The following ZNF599 variants were observed in gnomAD, a reference collection of about 807,000 sequenced individuals.
ZNF599 encodes the protein zinc finger protein 599.
A neutral mutation model predicts 11.7 loss-of-function variants in ZNF599; 10 were observed. That is an observed-to-expected ratio of 0.86 (90% CI 0.53 to 1.45). ZNF599 has a LOEUF of 1.45. Among genes scored for constraint, ZNF599 ranks in the 40% most tolerant of loss-of-function variants. ZNF599 has a pLI of 0.00. For missense variants in ZNF599, 688 were observed against 713.6 expected, an observed-to-expected ratio of 0.96 and a Z score of 0.41; for synonymous variants, 232 against 253.2, an observed-to-expected ratio of 0.92 and a Z score of 0.79.
intron 3 of ZNF599, chr19:34,762,960 G>A (rs1018307894): frequency 6.6e-6 from 1 of 152,068 alleles, no homozygotes; most frequent in Non-Finnish European, 1.5e-5. Flanking sequence ...GGAAGACAAA[G>A]ATAAAGTAGG....
At chr19:34,777,008 T>C (rs1213058458), upstream of ZNF599, among the ~76,000 whole-genome samples, 2 of 151,872 alleles carry the variant, frequency 1.3e-5, no homozygotes, top group East Asian at 2.0e-4. Context: ...GTGTGTCTTA[T>C]GGAAAGTTGC....
rs2069089345 is a variant in ZNF599 at position 34,759,042 on chromosome 19, T to C, written c.1759A>G (p.Arg587Gly). Residue 587 changes from arginine to glycine, a missense_variant, in exon 4 of 4, where the codon AGA becomes GGA. Transcript: ENST00000329285. ...SFTHHRKIHT[R>G]V ...AGGCCTTCCTGTATCTTTTAAACTC[T>C]GGTATGAATCTTTCGATGGTGAGTG... 1.9e-6 allele frequency: 3 copies of C among 1,606,616 alleles called. No homozygotes were observed. The highest frequency in any genetic ancestry group is 1.3e-5 in the African/African-American group (1 of 74,578).
At chr19:34,805,325 G>A in the ZNF599 span, among the ~76,000 whole-genome samples, 1 of 151,562 alleles carries the variant, frequency 6.6e-6, no homozygotes, top group East Asian at 1.9e-4. Context: ...AGCCTCCCGA[G>A]TAGCTGGGAC....
chr19:34,792,226 T>C, the ZNF599 span, among the ~76,000 whole-genome samples: 1 of 152,332 alleles, frequency 6.6e-6, no homozygotes, highest in South Asian at 2.1e-4. Flanking sequence ...GAAAGTGACA[T>C]TTCATAACAG....
chr19:34,760,313 A>C lies in ZNF599; in HGVS notation c.488T>G (p.Leu163Arg), dbSNP rs1323293981. ...TCGTTCCTGTAAAACCCTTAAGCCCAGACTATCATCTGGCTCCAAATCATC... is the reference window on the plus strand; with the variant it reads ...TCGTTCCTGTAAAACCCTTAAGCCCCGACTATCATCTGGCTCCAAATCATC... Reference protein sequence around the residue: ...KHDDLEPDDSLGLRVLQERVT... With the variant: ...KHDDLEPDDSRGLRVLQERVT... Residue 163 changes from leucine to arginine, a missense_variant, in exon 4 of 4, where the codon CTG (leucine) becomes CGG (arginine). By Grantham distance (102) the Leu-to-Arg change is moderately radical. Transcript: ENST00000329285. 1.2e-6 allele frequency: 2 copies of C among 1,614,090 alleles called. No individual in the cohort carries two copies. The highest frequency in any genetic ancestry group is 2.2e-5 in the South Asian group (2 of 91,074).
At chr19:34,792,088 C>A in the ZNF599 span, among the ~76,000 whole-genome samples, 117 of 152,264 alleles carry the variant, frequency 7.7e-4, no homozygotes, top group Non-Finnish European at 1.3e-3. Context: ...TATCCTTGAG[C>A]CAAGAGTCTA....
At chr19:34,766,607 A>T (rs2069145336) in intron 3 of ZNF599, among the ~76,000 whole-genome samples, 5 of 152,234 alleles carry the variant, frequency 3.3e-5, no homozygotes, top group Admixed American at 3.3e-4. Flanking sequence ...CTGCTATGTG[A>T]TCACATTCCC....
the ZNF599 span, among the ~76,000 whole-genome samples, chr19:34,798,859 G>A: frequency 2.6e-5 from 4 of 152,178 alleles, no homozygotes; most frequent in African/African-American, 9.7e-5. Flanking sequence ...AACGCAAACA[G>A]TATCATTGTA....
the ZNF599 span, among the ~76,000 whole-genome samples, chr19:34,780,826 AAAAG>A: frequency 1.3e-5 from 2 of 151,976 alleles, no homozygotes; most frequent in Admixed American, 1.3e-4. Flanking sequence ...GAAAGAAAGG[AAAAG>A]AAAGAAGAAA....
chr19:34,793,890 A>C, the ZNF599 span, among the ~76,000 whole-genome samples: 3 of 152,178 alleles, frequency 2.0e-5, no homozygotes, highest in Non-Finnish European at 4.4e-5. Context: ...CCAGTAACTG[A>C]GGGTTCCTCC....
chr19:34,764,475 A>T (rs1325362274), intron 3 of ZNF599: 1 of 152,262 alleles, frequency 6.6e-6, no homozygotes. Flanking sequence ...TACAATCAAG[A>T]ATATTCATAA....
chr19:34,774,127 C>T (rs1166802207), upstream of ZNF599, among the ~76,000 whole-genome samples: 2 of 151,956 alleles, frequency 1.3e-5, no homozygotes, highest in Non-Finnish European at 2.9e-5. Context: ...GACCTATTGC[C>T]CAAGGGATAC....
chr19:34,759,553 G>A lies in ZNF599; in HGVS notation c.1248C>T (p.Thr416=), dbSNP rs762215184. The A allele has an allele frequency of 3.1e-6, 5 of 1,612,168 alleles. No individual in the cohort carries two copies. Among genetic ancestry groups the A allele is most frequent in the East Asian group, 2.2e-5 (1 of 44,652 alleles). The change falls in exon 4 of 4, where the codon ACC becomes ACT. Residue 416 remains threonine (T), a synonymous_variant. Transcript: ENST00000329285. The part of the protein sequence containing the change: ...HRSTFIRHKR[T]HTGEKPFECK... Reference sequence around the variant, plus strand: ...ACTCAAAGGGCTTCTCTCCGGTATGGGTCCTCTTATGTCGGATGAAAGTGG... The same window carrying A: ...ACTCAAAGGGCTTCTCTCCGGTATGAGTCCTCTTATGTCGGATGAAAGTGG...
At chr19:34,776,610 A>G (rs1768767650), upstream of ZNF599, among the ~76,000 whole-genome samples, 1 of 152,248 alleles carries the variant, frequency 6.6e-6, no homozygotes. Context: ...GGAAATCACA[A>G]CTAACCAAAT....
the ZNF599 span, among the ~76,000 whole-genome samples, chr19:34,783,555 GACTT>G: frequency 1.3e-5 from 2 of 152,110 alleles, no homozygotes; most frequent in East Asian, 3.9e-4. Flanking sequence ...ATACATGAAT[GACTT>G]ACCCACAGGC....
chr19:34,800,492 T>C, the ZNF599 span, among the ~76,000 whole-genome samples: 1 of 152,170 alleles, frequency 6.6e-6, no homozygotes, highest in Non-Finnish European at 1.5e-5. Flanking sequence ...TTCAAGCTCA[T>C]TGATTCTTTT....
rs775738639 is a variant in ZNF599 at position 34,759,263 on chromosome 19, CCA to C, written c.1536_1537del (p.Cys512TrpfsTer14). The stretch of plus-strand genomic sequence containing the variant: ...ATTTGCAGGTTGGGTAAAAGCCTTT[CCA>C]CATTCTCTACAAACATAGGGCTTCT... On this transcript the variant is annotated frameshift_variant, in exon 4 of 4. Transcript: ENST00000329285. LOFTEE classifies it low-confidence loss of function (END_TRUNC). The C allele has an allele frequency of 1.2e-6, 2 of 1,614,210 alleles. No individual in the cohort carries two copies. The highest frequency in any genetic ancestry group is 4.5e-5 in the East Asian group (2 of 44,878).
At chr19:34,776,435 C>T (rs1015725249), upstream of ZNF599, among the ~76,000 whole-genome samples, 1 of 152,190 alleles carries the variant, frequency 6.6e-6, no homozygotes, top group Non-Finnish European at 1.5e-5. Flanking sequence ...TTTATATACA[C>T]CTCAGGGATA....
rs2069194021 is a variant in ZNF599 at position 34,772,895 on chromosome 19, G to C, written c.-54C>G. 7.1e-7 allele frequency: 1 copy of C among 1,407,434 alleles called. No individual in the cohort carries two copies. The highest frequency in any genetic ancestry group is 1.5e-5 in the African/African-American group (1 of 65,988). The allele number at this position is 1,407,434 out of a possible 1,614,324, so 87.2% of individuals were successfully genotyped here. ...GAGTCGGCGAGGAAGCCGGTCCTGC[G>C]GGCTCGGCCGACCCCGGGCTCCGGC... On this transcript the variant is annotated 5_prime_UTR_variant, in exon 1 of 4. Transcript: ENST00000329285.
Sources: allele counts gnomAD v4.1 joint callset (sites outside exome capture counted in the v4.1 genomes callset), GRCh38; gene constraint gnomAD v4.1.1; transcripts MANE v1.5; gene names NCBI Gene and HGNC (gene_info 2026-07-23, HGNC 2026-07-21).